The following RBMX2 variants were observed in gnomAD, a reference collection of about 807,000 sequenced individuals.
RBMX2 encodes the protein RNA binding motif protein X-linked 2, also known as RNA-binding motif protein, X-linked 2.
For missense variants in RBMX2, 191 were observed against 256.0 expected, an observed-to-expected ratio of 0.75 and a Z score of 1.73; for synonymous variants, 77 against 94.3, an observed-to-expected ratio of 0.82 and a Z score of 1.07.
chrX:130,412,786 A>G lies in RBMX2; in HGVS notation c.907A>G (p.Lys303Glu). 8.3e-7 allele frequency: 1 copy of G among 1,211,266 alleles called. No homozygotes were observed. The highest frequency in any genetic ancestry group is 1.1e-6 in the Non-Finnish European group (1 of 895,414). Reference sequence around the variant, plus strand: ...GAGCCGAGATAAATCCCATAGGCATAAAAGGGCCCGACGCTCCCGGGAGCG... The same window carrying G: ...GAGCCGAGATAAATCCCATAGGCATGAAAGGGCCCGACGCTCCCGGGAGCG... The part of the protein sequence containing the change: ...SRSRDKSHRH[K>E]RARRSRERES... The change falls in exon 6 of 6, where the codon AAA becomes GAA. Residue 303 changes from lysine (K) to glutamate (E), a missense_variant. Transcript: ENST00000305536.
intron 1 of RBMX2, 31 bp from the exon 2 acceptor site, chrX:130,402,224 T>TTGCCGCC: frequency 8.5e-7 from 1 of 1,174,327 alleles, no homozygotes; most frequent in Non-Finnish European, 1.1e-6. Context: ...CTTTTCTGCC[T>TTGCCGCC]ACCCTCCCCA....
intron 5 of RBMX2, among the ~76,000 whole-genome samples, chrX:130,412,106 TTAG>T (rs1282836271): frequency 3.7e-5 from 4 of 108,024 alleles, no homozygotes; most frequent in Non-Finnish European, 7.7e-5. Context: ...TTTTTTTTTT[TTAG>T]TAGAGACGGG....
At position 130,412,834 on chromosome X, in the gene RBMX2, C is replaced by T. The variant is rs749259347; in HGVS notation, c.955C>T (p.Arg319Cys). ...GCGGGAGTCTTCGAATCCCAGTGACCGTTGGCGTCACTGAAGACTTCAGCT... is the reference window on the plus strand; with the variant it reads ...GCGGGAGTCTTCGAATCCCAGTGACTGTTGGCGTCACTGAAGACTTCAGCT... Reference protein sequence around the residue: ...RERESSNPSDRWRH With the variant: ...RERESSNPSDCWRH The change falls in exon 6 of 6, where the codon CGT (arginine) becomes TGT (cysteine). Residue 319 changes from arginine to cysteine, a missense_variant. Arg to Cys is a radical substitution (Grantham distance 180). Coordinates refer to ENST00000305536, the MANE Select transcript of RBMX2 (RefSeq NM_016024.4). 9 of 1,204,706 alleles carry T rather than the reference C, an allele frequency of 7.5e-6. No homozygotes were observed. The highest frequency in any genetic ancestry group is 2.9e-4 in the Middle Eastern group (1 of 3,466).
chrX:130,402,224 T>TTGCCCC, intron 1 of RBMX2, 31 bp from the exon 2 acceptor site: 1 of 1,174,321 alleles, frequency 8.5e-7, no homozygotes, highest in Non-Finnish European at 1.1e-6. Flanking sequence ...CTTTTCTGCC[T>TTGCCCC]ACCCTCCCCA....
At chrX:130,405,187 T>C (rs1446441019) in intron 3 of RBMX2, among the ~76,000 whole-genome samples, 1 of 110,408 alleles carries the variant, frequency 9.1e-6, no homozygotes, top group Non-Finnish European at 1.9e-5. Context: ...GAGACCAGCA[T>C]GGCCAACATG....
intron 2 of RBMX2, 113 bp downstream of exon 2, chrX:130,402,483 T>A: frequency 9.2e-7 from 1 of 1,087,070 alleles, no homozygotes; most frequent in Non-Finnish European, 1.2e-6. Flanking sequence ...CACCTTCATA[T>A]CCATCTGCTG....
At chrX:130,402,641 A>G (rs768279529) in intron 2 of RBMX2, among the ~76,000 whole-genome samples, 4 of 111,961 alleles carry the variant, frequency 3.6e-5, no homozygotes, top group Non-Finnish European at 7.5e-5. Flanking sequence ...CCTCTGACCC[A>G]TTATACTGCT....
intron 1 of RBMX2, 27 bp from the exon 2 acceptor site, chrX:130,402,228 C>CT: frequency 9.7e-7 from 1 of 1,029,123 alleles, no homozygotes; most frequent in South Asian, 2.0e-5. Context: ...TCTGCCTACC[C>CT]TCCCCACCCC....
At chrX:130,402,225 A>ACCCC in intron 1 of RBMX2, 30 bp from the exon 2 acceptor site, 11 of 984,688 alleles carry the variant, frequency 1.1e-5, no homozygotes, top group South Asian at 4.0e-5. Context: ...TTTTCTGCCT[A>ACCCC]CCCTCCCCAC....
chrX:130,403,592 C>T (rs758360787), intron 2 of RBMX2, among the ~76,000 whole-genome samples: 12 of 111,254 alleles, frequency 1.1e-4, no homozygotes, highest in Admixed American at 3.8e-4. Flanking sequence ...AGGCTGGTCT[C>T]GAACACCTGA....
chrX:130,407,743 G>A (rs73229045), intron 3 of RBMX2, among the ~76,000 whole-genome samples: 14,195 of 106,269 alleles, frequency 0.13, 853 homozygotes, highest in African/African-American at 0.21. Flanking sequence ...CTGCAGCCTC[G>A]AACTCCTGGG....
chrX:130,402,229 TC>T, intron 1 of RBMX2, 25 bp from the exon 2 acceptor site: 8 of 722,827 alleles, frequency 1.1e-5, no homozygotes, highest in South Asian at 2.6e-5. Context: ...CTGCCTACCC[TC>T]CCCACCCCCC....
rs1472122848 is a variant in RBMX2 at position 130,411,529 on chromosome X, A to G, written c.481+4A>G. The G allele has an allele frequency of 8.5e-7, 1 of 1,182,292 alleles. No homozygotes were observed. The highest frequency in any genetic ancestry group is 1.1e-6 in the Non-Finnish European group (1 of 881,937). ...CCAACAAAAAAGCACAAAAAAGGTAAAGCATTAAGACTTAAGAGAAGATTC... is the reference window on the plus strand; with the variant it reads ...CCAACAAAAAAGCACAAAAAAGGTAGAGCATTAAGACTTAAGAGAAGATTC... On this transcript the variant is annotated splice_donor_region_variant and intron_variant, in intron 5 of 5. Coordinates refer to ENST00000305536, the MANE Select transcript of RBMX2 (RefSeq NM_016024.4).
Position 130,412,887 on chromosome X carries a change from T to C in RBMX2, c.*39T>C, listed in dbSNP as rs1256680130. The C allele has an allele frequency of 3.5e-6, 4 of 1,140,209 alleles. No individual in the cohort carries two copies. The Admixed American group carries it at 1.1e-4, about 32-fold the overall frequency. The allele number at this position is 1,140,209 out of a possible 1,213,427, so 94.0% of individuals were successfully genotyped here. A position where few individuals can be genotyped will look rare whatever the true frequency, so the allele number is the denominator to read the frequency against. ...ACAGTAGATTTGGAAATAATTATGTTTTTTAAATGCAGTCAAATTCAGTTG... is the reference window on the plus strand; with the variant it reads ...ACAGTAGATTTGGAAATAATTATGTCTTTTAAATGCAGTCAAATTCAGTTG... On this transcript the variant is annotated 3_prime_UTR_variant, in exon 6 of 6. Coordinates refer to ENST00000305536, the MANE Select transcript of RBMX2 (RefSeq NM_016024.4).
intron 3 of RBMX2, 191 bp downstream of exon 3, chrX:130,404,044 A>G: frequency 4.7e-6 from 2 of 424,252 alleles, no homozygotes; most frequent in African/African-American, 2.4e-5. Context: ...GAGATCCAAG[A>G]GGTTTGTTAA....
intron 2 of RBMX2, among the ~76,000 whole-genome samples, chrX:130,402,985 G>A (rs1381150438): frequency 1.8e-5 from 2 of 112,661 alleles, no homozygotes; most frequent in African/African-American, 3.2e-5. Flanking sequence ...ATAATCTTGC[G>A]AGTTACGTGC....
At position 130,413,176 on chromosome X, in the gene RBMX2, A is replaced by ATATC. The variant is rs1467132145; in HGVS notation, c.*329_*330insATCT. On this transcript the variant is annotated 3_prime_UTR_variant, in exon 6 of 6. Transcript: ENST00000305536. ...TCTAGAATTCTAGTCTTCGTGTTAGATGTTTATAGCCCAGCATCTTGGGAC... is the reference window on the plus strand; with the variant it reads ...TCTAGAATTCTAGTCTTCGTGTTAGATATCTGTTTATAGCCCAGCATCTTGGGAC... 6.4e-6 allele frequency: 1 copy of ATATC among 157,208 alleles called. No individual in the cohort carries two copies. The highest frequency in any genetic ancestry group is 3.1e-5 in the African/African-American group (1 of 31,790). 13.0% of individuals were successfully genotyped at this position (157,208 alleles called of 1,213,427 possible).
chrX:130,410,325 A>G (rs1207831742), intron 4 of RBMX2, among the ~76,000 whole-genome samples: 5 of 105,010 alleles, frequency 4.8e-5, no homozygotes, highest in African/African-American at 1.8e-4. Flanking sequence ...GACTTTGCCT[A>G]GGGAGTAAGT....
In RBMX2 at chrX:130,407,460, C is replaced by T. The variant is rs935271289; in HGVS notation, c.174-1797C>T. Among the ~76,000 whole-genome samples the T allele has an allele frequency of 6.3e-5, 7 of 110,910 alleles. 1 individual carries two copies. Among genetic ancestry groups the T allele is most frequent in the African/African-American group, 2.3e-4 (7 of 30,444 alleles). ...ACCTCCAATTTAGTATTAAATAGTT[C>T]CTAAACTTAGTTGAATTGGCTCTAG... On this transcript the variant is annotated intron_variant, in intron 3 of 5. Transcript: ENST00000305536.
Sources: allele counts gnomAD v4.1 joint callset (sites outside exome capture counted in the v4.1 genomes callset), GRCh38; gene constraint gnomAD v4.1.1; transcripts MANE v1.5; gene names NCBI Gene and HGNC (gene_info 2026-07-23, HGNC 2026-07-21).